PCDH15: variants seen among roughly 807,000 people sequenced by gnomAD.
The protein encoded by PCDH15 is protocadherin related 15.
Under a neutral mutation model 178.5 loss-of-function variants are expected in PCDH15, and 129 were observed. The observed-to-expected ratio is 0.72, with a 90% CI of 0.63 to 0.84. The LOEUF (loss-of-function observed/expected upper bound fraction) is 0.84. Among genes scored for constraint, PCDH15 ranks in the 40% least tolerant of loss-of-function variants. The pLI is 0.00. For missense variants in PCDH15, 2,230 were observed against 2,099.9 expected (o/e 1.06, Z -1.21); for synonymous variants, 800 against 732.0 (o/e 1.09, Z -1.50).
intron 26 of PCDH15, among the ~76,000 whole-genome samples, chr10:53,900,286 A>C (rs2082255259): frequency 6.8e-6 from 1 of 147,842 alleles, no homozygotes; most frequent in Admixed American, 6.8e-5. Flanking sequence ...CTATTGTATA[A>C]AGTACCTAGT....
intron 28 of PCDH15, among the ~76,000 whole-genome samples, chr10:53,842,117 C>A (rs1260935082): frequency 1.3e-5 from 2 of 152,110 alleles, no homozygotes; most frequent in East Asian, 3.9e-4. Flanking sequence ...ATATTATACT[C>A]TTGACATTTT....
At chr10:54,823,985 C>A (rs1953087165) in intron 3 of PCDH15, among the ~76,000 whole-genome samples, 1 of 152,090 alleles carries the variant, frequency 6.6e-6, no homozygotes, top group Admixed American at 6.6e-5. Flanking sequence ...CACAACTTGT[C>A]AAGCATATTA....
chr10:54,684,449 G>C (rs958566002), intron 1 of PCDH15, among the ~76,000 whole-genome samples: 1 of 151,936 alleles, frequency 6.6e-6, no homozygotes, highest in Admixed American at 6.6e-5. Context: ...TTTCTTAAAA[G>C]AAAATGTTAA....
rs149240993 is a variant in PCDH15, at chr10:54,501,091, G to T, written c.157+26721C>A. 2.8e-4 allele frequency among the ~76,000 whole-genome samples: 43 copies of T among 152,142 alleles called. 1 individual carries two copies. The East Asian group carries it at 7.4e-3, about 26-fold the overall frequency. On this transcript the variant is annotated intron_variant, in intron 3 of 37. Coordinates refer to ENST00000644397, the MANE Select transcript of PCDH15 (RefSeq NM_001384140.1). ...CATCACACAATGGGGCCTGTCAGGG[G>T]GTGGGAGGCAAGGGAAGGGATAGCA...
intron 2 of PCDH15, among the ~76,000 whole-genome samples, chr10:55,092,822 TAGACTCACA>T: frequency 6.6e-6 from 1 of 151,950 alleles, no homozygotes; most frequent in South Asian, 2.1e-4. Context: ...ATACATAATC[TAGACTCACA>T]TATTAAAACA....
At chr10:54,254,599 C>T (rs964227043) in intron 8 of PCDH15, among the ~76,000 whole-genome samples, 1 of 152,102 alleles carries the variant, frequency 6.6e-6, no homozygotes, top group Non-Finnish European at 1.5e-5. Context: ...CCACTGGCAA[C>T]ATTTAAATCC....
chr10:54,796,150 C>G (rs1001097976), intron 1 of PCDH15, among the ~76,000 whole-genome samples: 5 of 151,824 alleles, frequency 3.3e-5, no homozygotes, highest in African/African-American at 1.2e-4. Flanking sequence ...CTCACAGCCT[C>G]TCTCTTACAT....
intron 2 of PCDH15, among the ~76,000 whole-genome samples, chr10:55,140,605 A>G (rs534108393): frequency 6.6e-6 from 1 of 152,034 alleles, no homozygotes; most frequent in Non-Finnish European, 1.5e-5. Context: ...ACAGGTTTTG[A>G]TATCAGAGAA....
intron 9 of PCDH15, among the ~76,000 whole-genome samples, chr10:54,221,600 CTTT>C (rs200046291): frequency 1.4e-5 from 2 of 143,030 alleles, no homozygotes; most frequent in Non-Finnish European, 3.1e-5. Context: ...AGTATGTATT[CTTT>C]TTTTTTTTTT....
intron 2 of PCDH15, among the ~76,000 whole-genome samples, chr10:55,000,374 C>T (rs1279320721): frequency 2.6e-5 from 4 of 152,134 alleles, no homozygotes; most frequent in Non-Finnish European, 4.4e-5. Context: ...GGCTCTGTTC[C>T]GCCTGGCTCA....
intron 3 of PCDH15, among the ~76,000 whole-genome samples, chr10:54,874,970 G>A (rs975459617): frequency 2.0e-5 from 3 of 152,106 alleles, no homozygotes; most frequent in Admixed American, 6.6e-5. Context: ...TTTGCAAATA[G>A]CAAATTGATT....
At chr10:54,451,403 T>C (rs533063696) in intron 3 of PCDH15, among the ~76,000 whole-genome samples, 2 of 152,048 alleles carry the variant, frequency 1.3e-5, no homozygotes, top group South Asian at 4.1e-4. Flanking sequence ...TTTGGATGAG[T>C]CTGAACAACA....
intron 1 of PCDH15, among the ~76,000 whole-genome samples, chr10:54,743,736 G>T (rs1022017085): frequency 2.0e-5 from 3 of 151,598 alleles, no homozygotes; most frequent in Non-Finnish European, 2.9e-5. Flanking sequence ...CCTAAATACT[G>T]CTCCTAAATA....
chr10:55,314,518 G>A (rs1023464026), intron 1 of PCDH15, among the ~76,000 whole-genome samples: 5 of 150,912 alleles, frequency 3.3e-5, no homozygotes, highest in African/African-American at 7.3e-5. Context: ...CTTACTATCC[G>A]ACACTGCCTG....
At chr10:54,424,688 G>A (rs977339011) in intron 3 of PCDH15, among the ~76,000 whole-genome samples, 2 of 151,988 alleles carry the variant, frequency 1.3e-5, no homozygotes, top group Non-Finnish European at 2.9e-5. Flanking sequence ...CATAAAAAAT[G>A]ATGAGTTCAT....
chr10:55,620,182 A>T (rs1843562682), intron 2 of PCDH15, among the ~76,000 whole-genome samples: 1 of 152,206 alleles, frequency 6.6e-6, no homozygotes, highest in South Asian at 2.1e-4. Context: ...TGTCATCAGT[A>T]TATTGTGGTC....
At chr10:54,224,042 T>G (rs1591278791) in intron 9 of PCDH15, among the ~76,000 whole-genome samples, 1 of 152,170 alleles carries the variant, frequency 6.6e-6, no homozygotes, top group Admixed American at 6.6e-5. Context: ...AAATACAGTA[T>G]CAAATTTTTC....
At chr10:54,004,662 A>C (rs2092317077) in intron 20 of PCDH15, among the ~76,000 whole-genome samples, 1 of 152,108 alleles carries the variant, frequency 6.6e-6, no homozygotes, top group African/African-American at 2.4e-5. Context: ...AAGAGAACAC[A>C]AAAGAATGAA....
At chr10:55,259,472 G>A (rs920797620) in intron 1 of PCDH15, among the ~76,000 whole-genome samples, 1 of 152,130 alleles carries the variant, frequency 6.6e-6, no homozygotes, top group Admixed American at 6.5e-5. Flanking sequence ...AAGATGATCC[G>A]AAAGGCAATC....
Sources: allele counts gnomAD v4.1 joint callset (sites outside exome capture counted in the v4.1 genomes callset), GRCh38; gene constraint gnomAD v4.1.1; transcripts MANE v1.5; gene names NCBI Gene and HGNC (gene_info 2026-07-23, HGNC 2026-07-21).